The following ANKS1A variants were observed in gnomAD, a reference collection of about 807,000 sequenced individuals.
ANKS1A encodes the protein ankyrin repeat and SAM domain-containing protein 1A.
ANKS1A carries 55 observed loss-of-function variants against 120.3 expected under a neutral mutation model. The ratio of observed to expected loss-of-function variants is 0.46; its 90% CI spans 0.37 to 0.57. The LOEUF is 0.57. ANKS1A is among the 20% of genes least tolerant of loss of function. ANKS1A has a pLI of 0.00. For missense variants in ANKS1A, 1,123 were observed against 1,480.3 expected, an observed-to-expected ratio of 0.76 and a Z score of 3.96; for synonymous variants, 590 against 604.7, an observed-to-expected ratio of 0.98 and a Z score of 0.36.
chr6:35,090,382 C>T lies in ANKS1A; in HGVS notation c.*1773C>T. Reference sequence around the variant, plus strand: ...TTCCTCCTAAGGGGCCAGGCCACATCCAAGTGGGCCTCTGTCGGGGGCGGG... The same window carrying T: ...TTCCTCCTAAGGGGCCAGGCCACATTCAAGTGGGCCTCTGTCGGGGGCGGG... On this transcript the variant is annotated 3_prime_UTR_variant, in exon 24 of 24. Coordinates refer to ENST00000360359, the MANE Select transcript of ANKS1A (RefSeq NM_015245.3). The T allele has an allele frequency of 8.1e-7, 1 of 1,233,414 alleles. No homozygotes were observed. The highest frequency in any genetic ancestry group is 1.0e-6 in the Non-Finnish European group (1 of 961,168). The allele number at this position is 1,233,414 out of a possible 1,614,324, so 76.4% of individuals were successfully genotyped here. A position where few individuals can be genotyped will look rare whatever the true frequency, so the allele number is the denominator to read the frequency against.
chr6:34,997,157 T>C (rs1772898259), intron 10 of ANKS1A, among the ~76,000 whole-genome samples: 1 of 152,082 alleles, frequency 6.6e-6, no homozygotes. Context: ...TTGTGAAGAA[T>C]TGATAACTAT....
At chr6:35,008,606 A>G (rs926316329) in intron 10 of ANKS1A, among the ~76,000 whole-genome samples, 2 of 152,046 alleles carry the variant, frequency 1.3e-5, no homozygotes, top group Non-Finnish European at 2.9e-5. Flanking sequence ...GAATAGTTCA[A>G]TTTTCTTTCC....
chr6:35,088,819 G>T lies in ANKS1A; in HGVS notation c.*210G>T. 1 of 1,477,620 alleles carries T rather than the reference G, an allele frequency of 6.8e-7. No homozygotes were observed. Among genetic ancestry groups the T allele is most frequent in the Non-Finnish European group, 9.0e-7 (1 of 1,115,706 alleles). 91.5% of individuals were successfully genotyped at this position (1,477,620 alleles called of 1,614,324 possible). On this transcript the variant is annotated 3_prime_UTR_variant, in exon 24 of 24. Coordinates refer to ENST00000360359, the MANE Select transcript of ANKS1A (RefSeq NM_015245.3). ...TGGCTGTGGAGAAGCACTCCAGGCC[G>T]CTAGCAGATGGGACTGGCATTCCAG...
At position 35,082,436 on chromosome 6, in the gene ANKS1A, G is replaced by A. The variant is rs148973898; in HGVS notation, c.2710-255G>A. ...TCCCATCTCCTTTGAGACTCATCTC[G>A]GACACCACAGAGACTGTCCTTCCCA... On this transcript the variant is annotated intron_variant, in intron 17 of 23. Coordinates refer to ENST00000360359, the MANE Select transcript of ANKS1A (RefSeq NM_015245.3). This position sits in a 1 kb window ranked among gnomAD's most constrained non-coding sequence, Gnocchi z 4.1. Among the ~76,000 whole-genome samples, 15 of 152,010 alleles carry A rather than the reference G, an allele frequency of 9.9e-5. No homozygotes were observed. Among genetic ancestry groups the A allele is most frequent in the Non-Finnish European group, 1.6e-4 (11 of 67,988 alleles).
chr6:34,931,706 T>G (rs928372737), intron 1 of ANKS1A, among the ~76,000 whole-genome samples: 5 of 152,080 alleles, frequency 3.3e-5, no homozygotes, highest in African/African-American at 1.2e-4. Flanking sequence ...GGAAGCCCAA[T>G]TTGTGTAGCA....
chr6:35,001,787 C>G (rs535345335), intron 10 of ANKS1A, among the ~76,000 whole-genome samples: 1 of 152,276 alleles, frequency 6.6e-6, no homozygotes, highest in South Asian at 2.1e-4. Context: ...GTGCTTTAGT[C>G]CATTTGGCTA....
chr6:35,017,468 C>G lies in ANKS1A; in HGVS notation c.1424-5C>G, dbSNP rs775315839. On this transcript the variant is annotated splice_region_variant and splice_polypyrimidine_tract_variant and intron_variant, in intron 10 of 23. Transcript: ENST00000360359. ...TTATTTCTCTGTCTCTCCGTCCACT[C>G]CAAGACCACAGGCGGAGCAGCAGCA... The G allele has an allele frequency of 3.1e-6, 5 of 1,596,714 alleles. No individual in the cohort carries two copies. The African/African-American group carries it at 6.7e-5, about 21-fold the overall frequency.
At chr6:34,913,869 C>T (rs190042323) in intron 1 of ANKS1A, among the ~76,000 whole-genome samples, 2 of 152,180 alleles carry the variant, frequency 1.3e-5, no homozygotes, top group Admixed American at 1.3e-4. Context: ...CCCACCTCAG[C>T]TTCACAAAGT....
intron 10 of ANKS1A, among the ~76,000 whole-genome samples, chr6:35,016,634 C>G (rs1337199987): frequency 6.6e-6 from 1 of 151,990 alleles, no homozygotes; most frequent in South Asian, 2.1e-4. Flanking sequence ...AGGGAAGTCT[C>G]GAGAGAACTG....
chr6:35,034,884 G>A (rs16896553), intron 11 of ANKS1A, among the ~76,000 whole-genome samples: 20,221 of 152,194 alleles, frequency 0.13, 1,953 homozygotes, highest in East Asian at 0.57. Flanking sequence ...ACTTGATCAC[G>A]AATCCTGGCA....
intron 10 of ANKS1A, among the ~76,000 whole-genome samples, chr6:35,011,613 A>T: frequency 6.6e-6 from 1 of 152,160 alleles, no homozygotes; most frequent in East Asian, 1.9e-4. Flanking sequence ...AAGATTCTCC[A>T]CTGTGCTATT....
At chr6:34,945,278 C>T (rs149755262) in intron 1 of ANKS1A, among the ~76,000 whole-genome samples, 2 of 152,258 alleles carry the variant, frequency 1.3e-5, no homozygotes, top group African/African-American at 4.8e-5. Context: ...GAGTCTCCCA[C>T]TGTTGCCCAG....
intron 7 of ANKS1A, 62 bp downstream of exon 7, chr6:34,983,487 G>A: frequency 1.5e-6 from 2 of 1,309,576 alleles, no homozygotes; most frequent in Non-Finnish European, 2.1e-6. Context: ...GAAAATTCGT[G>A]GGCAGAATGG....
intron 18 of ANKS1A, 40 bp from the exon 19 acceptor site, chr6:35,083,115 C>T (rs372694486): frequency 1.7e-5 from 27 of 1,608,944 alleles, no homozygotes; most frequent in African/African-American, 2.7e-5. Flanking sequence ...TGCATGGAAA[C>T]GCAGGATTTC....
Position 35,073,457 on chromosome 6 carries a change from G to A in ANKS1A, c.2185-5101G>A, listed in dbSNP as rs182448108. Among the ~76,000 whole-genome samples, 99 of 152,306 alleles carry A rather than the reference G, an allele frequency of 6.5e-4. 1 individual carries two copies. Among genetic ancestry groups the A allele is most frequent in the Middle Eastern group, 6.8e-3 (2 of 294 alleles). ...GCGATATGAAGTCTGAGCGAGTCAGGACAGGGGGAGGCCCAGATCCCAGGC... is the reference window on the plus strand; with the variant it reads ...GCGATATGAAGTCTGAGCGAGTCAGAACAGGGGGAGGCCCAGATCCCAGGC... On this transcript the variant is annotated intron_variant, in intron 13 of 23. Coordinates refer to ENST00000360359, the MANE Select transcript of ANKS1A (RefSeq NM_015245.3).
chr6:35,064,201 G>A (rs1194109752), intron 13 of ANKS1A, among the ~76,000 whole-genome samples: 1 of 152,208 alleles, frequency 6.6e-6, no homozygotes, highest in Non-Finnish European at 1.5e-5. Flanking sequence ...AGCCCCTTGA[G>A]TGAGGCATAC....
At chr6:35,077,421 A>G (rs909886751) in intron 13 of ANKS1A, among the ~76,000 whole-genome samples, 2 of 152,212 alleles carry the variant, frequency 1.3e-5, no homozygotes, top group African/African-American at 4.8e-5. Flanking sequence ...ATATTCCGTG[A>G]TAAGAACAAG....
intron 1 of ANKS1A, among the ~76,000 whole-genome samples, chr6:34,927,919 G>T (rs756813715): frequency 2.0e-5 from 3 of 152,134 alleles, no homozygotes; most frequent in Non-Finnish European, 4.4e-5. Context: ...AACTGAGATG[G>T]CTTCTTTTGG....
chr6:34,993,682 T>C (rs916974489), intron 9 of ANKS1A, among the ~76,000 whole-genome samples: 2 of 152,242 alleles, frequency 1.3e-5, no homozygotes, highest in African/African-American at 2.4e-5. Flanking sequence ...TTGTTTCTAG[T>C]AAACGTCAAA....
Sources: allele counts gnomAD v4.1 joint callset (sites outside exome capture counted in the v4.1 genomes callset), GRCh38; gene constraint gnomAD v4.1.1; non-coding constraint Gnocchi (gnomAD v3.1); transcripts MANE v1.5; gene names NCBI Gene and HGNC (gene_info 2026-07-23, HGNC 2026-07-21).